Variants in COPG2 observed in about 807,000 individuals in gnomAD.
COPG2 encodes the protein coat protein complex I subunit gamma 2.
In COPG2, 37 loss-of-function variants were observed where a neutral mutation model predicts 46.3. The ratio of observed to expected loss-of-function variants is 0.80; its 90% confidence interval spans 0.61 to 1.05. The LOEUF is 1.05. COPG2 is among the 50% of genes least tolerant of loss of function. COPG2 has a pLI of 0.00. For missense variants in COPG2, 427 were observed against 387.8 expected, an observed-to-expected ratio of 1.10 and a Z score of -0.85; for synonymous variants, 159 against 129.7, an observed-to-expected ratio of 1.23 and a Z score of -1.53.
chr7:130,508,044 G>A, intron 21 of COPG2: 1 of 495,606 alleles, frequency 2.0e-6, no homozygotes, highest in Admixed American at 3.6e-5. Flanking sequence ...GTAGCCCTGA[G>A]GTACAGAGTA....
At chr7:130,519,332 A>G (rs2116344640) in intron 20 of COPG2, among the ~76,000 whole-genome samples, 1 of 152,312 alleles carries the variant, frequency 6.6e-6, no homozygotes, top group Non-Finnish European at 1.5e-5. Context: ...TGGTGGAGTC[A>G]ACAGAATGGG....
At chr7:130,577,399 A>G (rs1432198114) in intron 9 of COPG2, among the ~76,000 whole-genome samples, 2 of 152,204 alleles carry the variant, frequency 1.3e-5, no homozygotes, top group Non-Finnish European at 2.9e-5. Flanking sequence ...AGTCAAAGAA[A>G]GGGGTGATGG....
intron 9 of COPG2, among the ~76,000 whole-genome samples, chr7:130,587,942 T>C (rs1284664989): frequency 6.6e-6 from 1 of 150,942 alleles, no homozygotes; most frequent in African/African-American, 2.4e-5. Context: ...CAAACAAATT[T>C]ACAAGAAAAA....
At chr7:130,508,009 T>G (rs1799529672) in intron 21 of COPG2, 186 bp from the exon 22 acceptor site, 4 of 557,590 alleles carry the variant, frequency 7.2e-6, no homozygotes, top group Non-Finnish European at 9.5e-6. Flanking sequence ...ACAGAACATC[T>G]GGCAAGAGCC....
At chr7:130,528,032 G>A (rs1799790126) in intron 20 of COPG2, among the ~76,000 whole-genome samples, 1 of 152,184 alleles carries the variant, frequency 6.6e-6, no homozygotes. Flanking sequence ...AATGGAGACA[G>A]CGTGGAAGAA....
At chr7:130,560,735 A>T (rs1045970362) in intron 12 of COPG2, among the ~76,000 whole-genome samples, 1 of 152,214 alleles carries the variant, frequency 6.6e-6, no homozygotes, top group Non-Finnish European at 1.5e-5. Context: ...CCAACAAATT[A>T]TGGTGGAATA....
chr7:130,531,504 T>A (rs1799824754), intron 20 of COPG2, among the ~76,000 whole-genome samples: 1 of 150,656 alleles, frequency 6.6e-6, no homozygotes, highest in South Asian at 2.1e-4. Context: ...AGGCCAAAGG[T>A]AAGGACAGAG....
rs1796131897 is a variant in COPG2, at chr7:130,668,309, G to A, written c.37+323C>T. On this transcript the variant is annotated intron_variant, in intron 1 of 23. Transcript: ENST00000425248. ...AGCACCCCTGGACGCGGAGACGCGC[G>A]CACGCCCTCGGCCCCCGCCGGAGGC... Among the ~76,000 whole-genome samples the A allele has an allele frequency of 2.6e-5, 4 of 151,650 alleles. No individual in the cohort carries two copies. The South Asian group carries it at 8.3e-4, about 31-fold the overall frequency.
intron 5 of COPG2, among the ~76,000 whole-genome samples, chr7:130,618,771 G>T (rs954514359): frequency 7.2e-5 from 11 of 151,796 alleles, no homozygotes; most frequent in Non-Finnish European, 1.6e-4. Context: ...GTGATTTTTG[G>T]CTTATGTACT....
At chr7:130,662,045 A>G (rs1439287519) in intron 4 of COPG2, among the ~76,000 whole-genome samples, 2 of 152,152 alleles carry the variant, frequency 1.3e-5, no homozygotes, top group Non-Finnish European at 2.9e-5. Context: ...TAGAATGAAG[A>G]TATATGGACA....
chr7:130,612,130 T>C, intron 8 of COPG2, 22 bp downstream of exon 8: 2 of 1,522,024 alleles, frequency 1.3e-6, no homozygotes, highest in Non-Finnish European at 1.8e-6. Flanking sequence ...TGAGACAAGC[T>C]AATGTGATTC....
intron 6 of COPG2, 126 bp downstream of exon 6, chr7:130,616,864 G>T (rs1463806748): frequency 1.8e-6 from 1 of 560,304 alleles, no homozygotes; most frequent in South Asian, 2.9e-5. Flanking sequence ...AAGCCTTTCT[G>T]GTGATCATGT....
chr7:130,651,776 A>G (rs946449838), intron 5 of COPG2, among the ~76,000 whole-genome samples: 2 of 150,670 alleles, frequency 1.3e-5, no homozygotes, highest in African/African-American at 4.9e-5. Flanking sequence ...TCGGCCTCCC[A>G]AAGTGCTGGG....
Position 130,666,878 on chromosome 7 carries a change from G to T in COPG2, c.142C>A (p.Leu48Ile), listed in dbSNP as rs782045650. Residue 48 changes from leucine (L) to isoleucine (I), a missense_variant, in exon 3 of 24, where the codon CTT becomes ATT. Leu to Ile is a conservative substitution (Grantham distance 5). Transcript: ENST00000425248. ...PINPRRCLHI[L>I]TKILYLLNQG... is the part of the protein sequence containing the mutation. ...TTCAGTAAGTAAAGAATCTTTGTAA[G>T]AATATGCAAACATCTTCTTGGATTG... The T allele has an allele frequency of 1.0e-5, 16 of 1,558,772 alleles. No homozygotes were observed. Among genetic ancestry groups the T allele is most frequent in the Admixed American group, 5.3e-5 (3 of 56,328 alleles).
chr7:130,624,543 A>G (rs1254453508), intron 5 of COPG2, among the ~76,000 whole-genome samples: 2 of 152,014 alleles, frequency 1.3e-5, no homozygotes, highest in African/African-American at 4.8e-5. Context: ...GGTACCCAAT[A>G]TGTAGTCTTT....
At chr7:130,621,538 G>A (rs1342520200) in intron 5 of COPG2, among the ~76,000 whole-genome samples, 15 of 152,154 alleles carry the variant, frequency 9.9e-5, no homozygotes, top group East Asian at 1.9e-4. Context: ...AGCTGGGCAC[G>A]GTGCTCACGC....
chr7:130,608,042 GA>G, intron 9 of COPG2: 1 of 336,336 alleles, frequency 3.0e-6, no homozygotes, highest in Admixed American at 4.1e-5. Flanking sequence ...ACCATTATTG[GA>G]AGGAGGAAGC....
At chr7:130,599,247 G>A (rs1554450058) in intron 9 of COPG2, among the ~76,000 whole-genome samples, 1 of 152,224 alleles carries the variant, frequency 6.6e-6, no homozygotes, top group African/African-American at 2.4e-5. Flanking sequence ...CCAGGCAGCA[G>A]TTTCACATGA....
At chr7:130,610,874 A>G in intron 9 of COPG2, 79 bp downstream of exon 9, 1 of 1,483,920 alleles carries the variant, frequency 6.7e-7, no homozygotes, top group Non-Finnish European at 9.4e-7. Context: ...CCCCAAAAAA[A>G]ATTCAAAAAG....
Sources: gnomAD v4.1 joint callset for allele counts (sites outside exome capture counted in the v4.1 genomes callset) on GRCh38, gnomAD v4.1.1 for gene constraint, MANE v1.5 for transcripts, NCBI Gene and HGNC (gene_info 2026-07-23, HGNC 2026-07-21) for gene names.